The following KSR2 variants were observed in gnomAD, a reference collection of about 807,000 sequenced individuals.
The protein encoded by KSR2 is kinase suppressor of ras 2.
A neutral mutation model predicts 107.8 loss-of-function variants in KSR2; 25 were observed. The ratio of observed to expected loss-of-function variants is 0.23; its 90% CI spans 0.17 to 0.32. The LOEUF is 0.32. Among genes scored for constraint, KSR2 ranks in the 10% least tolerant of loss-of-function variants. The pLI, the probability that KSR2 is intolerant of heterozygous loss-of-function variation, is 1.00. For synonymous variants in KSR2, 480 were observed against 507.0 expected, an observed-to-expected ratio of 0.95 and a Z score of 0.71; for missense variants, 887 against 1,268.9, an observed-to-expected ratio of 0.70 and a Z score of 4.57.
chr12:117,805,937 G>A (rs1436449659), intron 3 of KSR2, among the ~76,000 whole-genome samples: 1 of 152,100 alleles, frequency 6.6e-6, no homozygotes, highest in Non-Finnish European at 1.5e-5. Flanking sequence ...AGCCAAGATT[G>A]TGCCACTGCA....
intron 1 of KSR2, among the ~76,000 whole-genome samples, chr12:117,945,725 T>A (rs926346548): frequency 2.0e-5 from 3 of 152,116 alleles, no homozygotes; most frequent in Non-Finnish European, 4.4e-5. Flanking sequence ...AGAGGAGCGA[T>A]GTCAGCAAGA....
At chr12:117,909,029 G>C (rs958352938) in intron 1 of KSR2, among the ~76,000 whole-genome samples, 1 of 152,122 alleles carries the variant, frequency 6.6e-6, no homozygotes, top group East Asian at 1.9e-4. Flanking sequence ...AAGCAAGTTA[G>C]TTCCACCACC....
At chr12:117,927,249 G>C (rs1895548358) in intron 1 of KSR2, among the ~76,000 whole-genome samples, 1 of 151,848 alleles carries the variant, frequency 6.6e-6, no homozygotes, top group African/African-American at 2.4e-5. Flanking sequence ...GGCGGTGCAT[G>C]CCTGTAAACC....
At chr12:117,832,349 A>AC (rs1338357761) in intron 3 of KSR2, among the ~76,000 whole-genome samples, 2 of 152,204 alleles carry the variant, frequency 1.3e-5, no homozygotes, top group African/African-American at 4.8e-5. Context: ...AGGGGAGGAA[A>AC]CCAGAGCTAC....
intron 16 of KSR2, among the ~76,000 whole-genome samples, chr12:117,479,523 C>T (rs531867240): frequency 6.6e-6 from 1 of 152,194 alleles, no homozygotes; most frequent in Admixed American, 6.5e-5. Context: ...CTGGCCTCTA[C>T]TCATTACAGG....
intron 4 of KSR2, among the ~76,000 whole-genome samples, chr12:117,686,105 G>A (rs368939227): frequency 6.6e-6 from 1 of 151,450 alleles, no homozygotes; most frequent in Admixed American, 6.6e-5. Flanking sequence ...CTGGAGTGCA[G>A]TGGTGTGATC....
At chr12:117,656,569 G>A (rs553273568) in intron 5 of KSR2, among the ~76,000 whole-genome samples, 3 of 152,328 alleles carry the variant, frequency 2.0e-5, no homozygotes, top group East Asian at 1.9e-4. Flanking sequence ...AGCCAAGATC[G>A]TGCCATTGCA....
chr12:117,530,097 G>A (rs949299632), intron 12 of KSR2, among the ~76,000 whole-genome samples: 1 of 152,080 alleles, frequency 6.6e-6, no homozygotes, highest in Admixed American at 6.5e-5. Context: ...TGTGATGTTT[G>A]GCATAAAGAT....
chr12:117,898,520 A>T (rs761889212), intron 1 of KSR2, among the ~76,000 whole-genome samples: 1 of 151,888 alleles, frequency 6.6e-6, no homozygotes, highest in African/African-American at 2.4e-5. Context: ...GGGTTTCACC[A>T]TGTGGGCCAG....
At chr12:117,579,847 A>G (rs1565910245) in intron 6 of KSR2, among the ~76,000 whole-genome samples, 1 of 152,200 alleles carries the variant, frequency 6.6e-6, no homozygotes, top group Non-Finnish European at 1.5e-5. Flanking sequence ...AAACTTGAGC[A>G]GTTTGGAGGT....
chr12:117,455,061 A>AGAGAGAGAGAGAGAGAGG lies in KSR2; in HGVS notation c.*12137_*12138insCCTCTCTCTCTCTCTCTC, dbSNP rs1870539810. ...GAGAGAGAGAGAGAGAGAGAGAGAG[A>AGAGAGAGAGAGAGAGAGG]GAGAGAGAGAGGTCTGTAGAGCCAG... On this transcript the variant is annotated 3_prime_UTR_variant, in exon 20 of 20. Transcript: ENST00000339824. The AGAGAGAGAGAGAGAGAGG allele has an allele frequency of 6.6e-6, 1 of 151,474 alleles. No individual in the cohort carries two copies. Among genetic ancestry groups the AGAGAGAGAGAGAGAGAGG allele is most frequent in the Non-Finnish European group, 1.5e-5 (1 of 68,070 alleles). The allele number at this position is 151,474 out of a possible 1,614,324, so 9.4% of individuals were successfully genotyped here. A position where few individuals can be genotyped will look rare whatever the true frequency, so the allele number is the denominator to read the frequency against.
At chr12:117,838,751 C>A (rs1351515999) in intron 3 of KSR2, among the ~76,000 whole-genome samples, 1 of 149,964 alleles carries the variant, frequency 6.7e-6, no homozygotes, top group Non-Finnish European at 1.5e-5. Flanking sequence ...AAAGGAAGTT[C>A]TTCTTTACAT....
chr12:117,692,854 G>A (rs1204493781), intron 4 of KSR2, among the ~76,000 whole-genome samples: 1 of 152,164 alleles, frequency 6.6e-6, no homozygotes, highest in Non-Finnish European at 1.5e-5. Context: ...CAAATCCACA[G>A]AAATGGAATG....
At chr12:117,744,362 C>T (rs906065392) in intron 4 of KSR2, among the ~76,000 whole-genome samples, 5 of 152,164 alleles carry the variant, frequency 3.3e-5, no homozygotes, top group Non-Finnish European at 2.9e-5. Flanking sequence ...TGATAATCTT[C>T]CCATGCGTCC....
intron 1 of KSR2, among the ~76,000 whole-genome samples, chr12:117,879,990 T>C (rs1467796669): frequency 6.6e-6 from 1 of 151,886 alleles, no homozygotes; most frequent in Non-Finnish European, 1.5e-5. Context: ...CTACTAAAAA[T>C]ACAAAATTAG....
intron 4 of KSR2, among the ~76,000 whole-genome samples, chr12:117,674,062 G>A (rs1264985235): frequency 1.3e-5 from 2 of 152,176 alleles, no homozygotes. Context: ...TCAGCTCCAG[G>A]CCATCACCTA....
intron 5 of KSR2, among the ~76,000 whole-genome samples, chr12:117,607,068 T>G (rs1219756123): frequency 6.6e-6 from 1 of 152,110 alleles, no homozygotes; most frequent in Non-Finnish European, 1.5e-5. Context: ...GTGGGGCACC[T>G]GCAGTGTGAT....
intron 3 of KSR2, among the ~76,000 whole-genome samples, chr12:117,790,472 G>A (rs889640244): frequency 6.6e-6 from 1 of 152,182 alleles, no homozygotes; most frequent in African/African-American, 2.4e-5. Context: ...GGCAGAGGAA[G>A]CAATCAGATA....
At chr12:117,794,287 ACT>A (rs1317132103) in intron 3 of KSR2, among the ~76,000 whole-genome samples, 3,742 of 41,198 alleles carry the variant, frequency 0.091, 988 homozygotes, top group African/African-American at 0.2. Context: ...ACCAACATGC[ACT>A]CACACACCAA....
Sources: gnomAD v4.1 joint callset for allele counts (sites outside exome capture counted in the v4.1 genomes callset) on GRCh38, gnomAD v4.1.1 for gene constraint, MANE v1.5 for transcripts, NCBI Gene and HGNC (gene_info 2026-07-23, HGNC 2026-07-21) for gene names.